Variants in MAGI2 observed in about 807,000 individuals in gnomAD.
MAGI2 encodes the protein membrane-associated guanylate kinase, WW and PDZ domain-containing protein 2.
In MAGI2, 35 loss-of-function variants were observed where a neutral mutation model predicts 133.3. The ratio of observed to expected loss-of-function variants is 0.26; its 90% confidence interval spans 0.20 to 0.35. The LOEUF (loss-of-function observed/expected upper bound fraction) is 0.35. MAGI2 is among the 10% of genes least tolerant of loss of function. The pLI is 1.00. For synonymous variants in MAGI2, 729 were observed against 710.6 expected, an observed-to-expected ratio of 1.03 and a Z score of -0.41; for missense variants, 1,636 against 1,863.4, an observed-to-expected ratio of 0.88 and a Z score of 2.25.
intron 1 of MAGI2, among the ~76,000 whole-genome samples, chr7:79,388,464 G>C (rs955532316): frequency 1.3e-5 from 2 of 151,842 alleles, no homozygotes; most frequent in African/African-American, 4.8e-5. Context: ...CTTTTATCAC[G>C]TAAGTTATTC....
At chr7:78,092,545 C>T (rs1817306325) in intron 20 of MAGI2, among the ~76,000 whole-genome samples, 1 of 152,146 alleles carries the variant, frequency 6.6e-6, no homozygotes, top group South Asian at 2.1e-4. Flanking sequence ...AATTGGGCAG[C>T]ATGTTTTCTG....
intron 1 of MAGI2, among the ~76,000 whole-genome samples, chr7:79,110,893 G>T (rs979086336): frequency 6.6e-6 from 1 of 152,012 alleles, no homozygotes; most frequent in African/African-American, 2.4e-5. Context: ...CACAAGATCT[G>T]GTTGCTTAAA....
intron 2 of MAGI2, among the ~76,000 whole-genome samples, chr7:78,856,339 T>C (rs558366031): frequency 3.2e-4 from 48 of 152,350 alleles, no homozygotes; most frequent in Non-Finnish European, 4.0e-4. Flanking sequence ...GCCTATGTCC[T>C]GAATGGTATT....
chr7:79,012,786 G>GATTAGGTGGCTTCAGCA (rs1184972414), intron 1 of MAGI2, among the ~76,000 whole-genome samples: 1 of 23,112 alleles, frequency 4.3e-5, no homozygotes, highest in African/African-American at 2.1e-4. Context: ...CAATACCATA[G>GATTAGGTGGCTTCAGCA]ATTAATCTGT....
intron 10 of MAGI2, among the ~76,000 whole-genome samples, chr7:78,221,107 T>C (rs2150838826): frequency 6.6e-6 from 1 of 152,364 alleles, no homozygotes; most frequent in East Asian, 1.9e-4. Context: ...TGAGCCTTCC[T>C]GGATTCTTGA....
At chr7:78,668,236 G>C (rs573064556) in intron 2 of MAGI2, among the ~76,000 whole-genome samples, 1 of 151,776 alleles carries the variant, frequency 6.6e-6, no homozygotes, top group Non-Finnish European at 1.5e-5. Flanking sequence ...TTTTTGATGG[G>C]GTTGTTTGTT....
intron 2 of MAGI2, among the ~76,000 whole-genome samples, chr7:78,964,021 A>G (rs772132577): frequency 6.6e-6 from 1 of 151,904 alleles, no homozygotes; most frequent in African/African-American, 2.4e-5. Flanking sequence ...CCAAAATCCT[A>G]ATTTTGCTTG....
At chr7:78,476,421 A>T (rs1292818321) in intron 6 of MAGI2, among the ~76,000 whole-genome samples, 1 of 151,996 alleles carries the variant, frequency 6.6e-6, no homozygotes, top group East Asian at 1.9e-4. Context: ...AATACTGGGA[A>T]ATCAGTAAAA....
At chr7:79,232,253 T>C (rs1307674330) in intron 1 of MAGI2, among the ~76,000 whole-genome samples, 12 of 151,296 alleles carry the variant, frequency 7.9e-5, no homozygotes, top group Non-Finnish European at 1.8e-4. Flanking sequence ...TCTAAAATTC[T>C]CTTTTTTGGT....
At chr7:78,973,439 T>C (rs1041509492) in intron 2 of MAGI2, among the ~76,000 whole-genome samples, 5 of 151,820 alleles carry the variant, frequency 3.3e-5, no homozygotes, top group African/African-American at 9.7e-5. Context: ...GATAGATTGA[T>C]GGATAGAATT....
At chr7:79,311,024 T>C (rs1273060249) in intron 1 of MAGI2, among the ~76,000 whole-genome samples, 1 of 152,072 alleles carries the variant, frequency 6.6e-6, no homozygotes, top group Non-Finnish European at 1.5e-5. Context: ...CTCTTTACAA[T>C]AAAACCACCC....
chr7:78,173,965 C>T (rs542597676), intron 14 of MAGI2, among the ~76,000 whole-genome samples: 15 of 152,168 alleles, frequency 9.9e-5, no homozygotes, highest in African/African-American at 2.7e-4. Flanking sequence ...AATCGGCGCT[C>T]AACAATTGTA....
intron 2 of MAGI2, among the ~76,000 whole-genome samples, chr7:78,637,421 GATA>G (rs1252000924): frequency 7.0e-6 from 1 of 142,252 alleles, no homozygotes; most frequent in Non-Finnish European, 1.6e-5. Flanking sequence ...AGTGATACAT[GATA>G]ATATGTTAAA....
intron 10 of MAGI2, among the ~76,000 whole-genome samples, chr7:78,207,158 G>C (rs1056635488): frequency 2.3e-4 from 35 of 151,922 alleles, no homozygotes; most frequent in African/African-American, 6.3e-4. Context: ...TTTTTTCACA[G>C]TCCCTGTGAT....
chr7:78,425,415 A>G (rs1274388508), intron 6 of MAGI2, among the ~76,000 whole-genome samples: 1 of 152,194 alleles, frequency 6.6e-6, no homozygotes, highest in Admixed American at 6.5e-5. Context: ...AGACTAATAC[A>G]GTTCAGTTCA....
chr7:79,111,014 C>A (rs905556019), intron 1 of MAGI2, among the ~76,000 whole-genome samples: 2 of 152,188 alleles, frequency 1.3e-5, no homozygotes, highest in Non-Finnish European at 2.9e-5. Context: ...CCCCAGAAGC[C>A]AAGCAGATGC....
chr7:78,775,379 G>A (rs1825917053), intron 2 of MAGI2, among the ~76,000 whole-genome samples: 1 of 132,738 alleles, frequency 7.5e-6, no homozygotes, highest in Non-Finnish European at 1.6e-5. Context: ...GTCAAAGGCA[G>A]GCCAAAAATT....
chr7:78,116,311 A>G (rs1819862837), intron 20 of MAGI2, among the ~76,000 whole-genome samples: 2 of 151,932 alleles, frequency 1.3e-5, no homozygotes, highest in Non-Finnish European at 1.5e-5. Flanking sequence ...GTATTTTAAT[A>G]GAAATGAAGA....
At chr7:78,466,612 T>G (rs887827329) in intron 6 of MAGI2, among the ~76,000 whole-genome samples, 5 of 152,118 alleles carry the variant, frequency 3.3e-5, no homozygotes, top group Non-Finnish European at 5.9e-5. Context: ...AATGACAGTT[T>G]TAAATGGTGC....
Sources: allele counts gnomAD v4.1 joint callset (sites outside exome capture counted in the v4.1 genomes callset), GRCh38; gene constraint gnomAD v4.1.1; transcripts MANE v1.5; gene names NCBI Gene and HGNC (gene_info 2026-07-23, HGNC 2026-07-21).